CSMD1: variants seen among roughly 807,000 people sequenced by gnomAD.
CSMD1 encodes CUB and sushi domain-containing protein 1.
Under a neutral mutation model 417.5 loss-of-function variants are expected in CSMD1, and 213 were observed. The observed-to-expected ratio is 0.51, with a 90% CI of 0.46 to 0.57. The LOEUF (loss-of-function observed/expected upper bound fraction) is 0.57. CSMD1 is among the 20% of genes least tolerant of loss of function. CSMD1 has a pLI of 0.00. For missense variants in CSMD1, 6,923 were observed against 4,529.7 expected (o/e 1.53, Z -15.17); for synonymous variants, 2,862 against 1,736.8 (o/e 1.65, Z -16.11).
intron 5 of CSMD1, among the ~76,000 whole-genome samples, chr8:3,992,439 G>A (rs576254548): frequency 6.6e-6 from 1 of 152,254 alleles, no homozygotes; most frequent in South Asian, 2.1e-4. Flanking sequence ...GTGTTGAGGT[G>A]CATAGCTTAC....
chr8:4,691,644 G>A (rs935031933), intron 1 of CSMD1, among the ~76,000 whole-genome samples: 1 of 152,180 alleles, frequency 6.6e-6, no homozygotes, highest in African/African-American at 2.4e-5. Context: ...TGCCTGTCAT[G>A]TCTGCCTTGA....
chr8:4,050,807 C>T (rs1182766251), intron 3 of CSMD1, among the ~76,000 whole-genome samples: 2 of 152,054 alleles, frequency 1.3e-5, no homozygotes, highest in Non-Finnish European at 2.9e-5. Context: ...GTGAATTTAC[C>T]ATCTTTATCT....
intron 3 of CSMD1, among the ~76,000 whole-genome samples, chr8:4,416,687 C>T (rs547280633): frequency 3.3e-5 from 5 of 152,038 alleles, no homozygotes; most frequent in Admixed American, 1.3e-4. Flanking sequence ...TTTAGATGAC[C>T]GTGTATCACC....
At chr8:2,949,132 T>C (rs1200014370) in intron 68 of CSMD1, among the ~76,000 whole-genome samples, 167 bp downstream of exon 68, 1 of 149,458 alleles carries the variant, frequency 6.7e-6, no homozygotes, top group East Asian at 2.0e-4. Flanking sequence ...GTTTGTGTAT[T>C]TTGCTATTCA....
intron 1 of CSMD1, among the ~76,000 whole-genome samples, chr8:4,829,096 G>C (rs1299783787): frequency 6.6e-6 from 1 of 152,132 alleles, no homozygotes; most frequent in East Asian, 1.9e-4. Flanking sequence ...TTAACAAAGA[G>C]GTGGCTAATG....
At chr8:3,019,990 G>C (rs917779022) in intron 51 of CSMD1, among the ~76,000 whole-genome samples, 4 of 152,246 alleles carry the variant, frequency 2.6e-5, no homozygotes, top group Non-Finnish European at 4.4e-5. Context: ...CTTCGCTGCA[G>C]CCTGCAGTGG....
At chr8:4,632,154 T>C (rs892595813) in intron 2 of CSMD1, among the ~76,000 whole-genome samples, 1 of 152,174 alleles carries the variant, frequency 6.6e-6, no homozygotes, top group Non-Finnish European at 1.5e-5. Context: ...TTAAGTCACG[T>C]TGGGTTCCGT....
chr8:3,470,121 C>T (rs1437517030), intron 11 of CSMD1, among the ~76,000 whole-genome samples: 2 of 152,150 alleles, frequency 1.3e-5, no homozygotes, highest in East Asian at 1.9e-4. Flanking sequence ...GTACCTTCTC[C>T]CAGTCACCAT....
At chr8:4,609,070 C>A (rs914114424) in intron 2 of CSMD1, among the ~76,000 whole-genome samples, 10 of 151,718 alleles carry the variant, frequency 6.6e-5, no homozygotes, top group African/African-American at 2.2e-4. Flanking sequence ...AAATCCTCCA[C>A]TTTCAGGTTA....
intron 3 of CSMD1, among the ~76,000 whole-genome samples, chr8:4,036,940 G>T (rs190418625): frequency 6.8e-6 from 1 of 147,988 alleles, no homozygotes; most frequent in Non-Finnish European, 1.5e-5. Flanking sequence ...CTGGATCCTA[G>T]TATGGGTGAG....
chr8:3,874,364 G>C (rs1280900524), intron 5 of CSMD1, among the ~76,000 whole-genome samples: 2 of 152,164 alleles, frequency 1.3e-5, no homozygotes, highest in African/African-American at 4.8e-5. Context: ...TCTGTATTTA[G>C]AACTCTTTAA....
intron 1 of CSMD1, among the ~76,000 whole-genome samples, chr8:4,822,794 G>C (rs907552136): frequency 1.3e-5 from 2 of 151,932 alleles, no homozygotes; most frequent in African/African-American, 4.8e-5. Flanking sequence ...AATCTTTTTA[G>C]AAAATATTTC....
intron 32 of CSMD1, among the ~76,000 whole-genome samples, 182 bp from the exon 33 acceptor site, chr8:3,199,991 G>C (rs1026201934): frequency 2.0e-5 from 3 of 152,046 alleles, no homozygotes; most frequent in East Asian, 3.9e-4. Flanking sequence ...TCTGTCCTAG[G>C]CAAGAATAGG....
intron 7 of CSMD1, among the ~76,000 whole-genome samples, chr8:3,628,549 G>T (rs1796606092): frequency 6.6e-6 from 1 of 152,278 alleles, no homozygotes; most frequent in East Asian, 1.9e-4. Context: ...GCCAGAGCTG[G>T]TTGGATGCCA....
At chr8:2,991,422 C>G (rs147463313) in intron 54 of CSMD1, among the ~76,000 whole-genome samples, 5 of 152,148 alleles carry the variant, frequency 3.3e-5, no homozygotes, top group African/African-American at 1.2e-4. Context: ...ATAAAAAGTA[C>G]AAAAGTTTAT....
chr8:3,756,694 C>G (rs886136397), intron 5 of CSMD1, among the ~76,000 whole-genome samples: 3 of 152,154 alleles, frequency 2.0e-5, no homozygotes, highest in Non-Finnish European at 2.9e-5. Flanking sequence ...ACTTGCTAAA[C>G]TTTTCACAAC....
chr8:4,779,237 C>T (rs535583035), intron 1 of CSMD1, among the ~76,000 whole-genome samples: 2 of 152,272 alleles, frequency 1.3e-5, no homozygotes, highest in East Asian at 1.9e-4. Flanking sequence ...GTCTCCCAGC[C>T]TCCTGTAGAA....
chr8:3,209,853 A>G (rs1361183007), intron 30 of CSMD1, among the ~76,000 whole-genome samples: 1 of 152,366 alleles, frequency 6.6e-6, no homozygotes, highest in East Asian at 1.9e-4. Flanking sequence ...TTGGCTAATT[A>G]GAATATATAC....
chr8:4,608,392 C>G (rs1035949153), intron 2 of CSMD1, among the ~76,000 whole-genome samples: 1 of 152,252 alleles, frequency 6.6e-6, no homozygotes, highest in East Asian at 1.9e-4. Context: ...GAGGGCTCGA[C>G]AAAAGGATGC....
Sources: allele counts gnomAD v4.1 joint callset (sites outside exome capture counted in the v4.1 genomes callset), GRCh38; gene constraint gnomAD v4.1.1; transcripts MANE v1.5; gene names NCBI Gene and HGNC (gene_info 2026-07-23, HGNC 2026-07-21).